The following PRRX2 variants were observed in gnomAD, a reference collection of about 807,000 sequenced individuals.
PRRX2 encodes paired mesoderm homeobox protein 2.
A neutral mutation model predicts 18.0 loss-of-function variants in PRRX2; 11 were observed. The ratio of observed to expected loss-of-function variants is 0.61; its 90% CI spans 0.39 to 1.01. The LOEUF (loss-of-function observed/expected upper bound fraction) is 1.01, where lower values mean the gene tolerates loss of function less well. PRRX2 is among the 50% of genes least tolerant of loss of function. The pLI is 0.01. For missense variants in PRRX2, 387 were observed against 351.0 expected, an observed-to-expected ratio of 1.10 and a Z score of -0.82; for synonymous variants, 177 against 154.8, an observed-to-expected ratio of 1.14 and a Z score of -1.06.
chr9:129,674,664 G>A (rs1396705721), intron 1 of PRRX2, among the ~76,000 whole-genome samples: 1 of 152,134 alleles, frequency 6.6e-6, no homozygotes, highest in African/African-American at 2.4e-5. Flanking sequence ...GACAAGGTGA[G>A]GGCAGGTGAC....
intron 1 of PRRX2, among the ~76,000 whole-genome samples, chr9:129,668,546 G>A (rs1832056606): frequency 1.3e-5 from 2 of 152,110 alleles, no homozygotes; most frequent in African/African-American, 4.8e-5. Context: ...GGGAGGCTGA[G>A]GTGGTTGGAT....
intron 1 of PRRX2, among the ~76,000 whole-genome samples, chr9:129,666,428 T>G (rs991042793): frequency 6.6e-6 from 1 of 152,048 alleles, no homozygotes; most frequent in Non-Finnish European, 1.5e-5. Flanking sequence ...GGGTTACAAC[T>G]GGGGAAACAG....
At chr9:129,685,298 G>A (rs1017195584) in intron 1 of PRRX2, among the ~76,000 whole-genome samples, 2 of 152,236 alleles carry the variant, frequency 1.3e-5, no homozygotes, top group Non-Finnish European at 1.5e-5. Context: ...AAAGCAGGGT[G>A]GACTGTGGTC....
At chr9:129,673,569 C>G (rs563065339) in intron 1 of PRRX2, among the ~76,000 whole-genome samples, 1 of 152,228 alleles carries the variant, frequency 6.6e-6, no homozygotes, top group African/African-American at 2.4e-5. Flanking sequence ...AAACTTTGTC[C>G]TAGGCTGGCA....
intron 1 of PRRX2, among the ~76,000 whole-genome samples, chr9:129,708,422 A>T (rs1325992040): frequency 1.3e-5 from 2 of 152,148 alleles, no homozygotes; most frequent in African/African-American, 4.8e-5. Context: ...CTGCTGGCTG[A>T]TGATTTTGAG....
Position 129,691,295 on chromosome 9 carries a change from C to T in PRRX2, c.259+25169C>T, listed in dbSNP as rs150812324. ...GGGGTTGCGGTGACCCAAGATCGCACCATTGCACCCAGCCTGCATGACAAA... is the reference window on the plus strand; with the variant it reads ...GGGGTTGCGGTGACCCAAGATCGCATCATTGCACCCAGCCTGCATGACAAA... On this transcript the variant is annotated intron_variant, in intron 1 of 3. Coordinates refer to ENST00000372469, the MANE Select transcript of PRRX2 (RefSeq NM_016307.4). Among the ~76,000 whole-genome samples, 627 of 151,890 alleles carry T rather than the reference C, an allele frequency of 4.1e-3. 5 individuals are homozygous for T. Among genetic ancestry groups the T allele is most frequent in the African/African-American group, 0.014 (592 of 41,374 alleles).
chr9:129,672,025 G>T (rs771588112), intron 1 of PRRX2, among the ~76,000 whole-genome samples: 1 of 152,144 alleles, frequency 6.6e-6, no homozygotes, highest in Non-Finnish European at 1.5e-5. Flanking sequence ...GAAGGTTTGC[G>T]GTGGCTTGTC....
chr9:129,685,577 A>G (rs971966872), intron 1 of PRRX2, among the ~76,000 whole-genome samples: 1 of 151,906 alleles, frequency 6.6e-6, no homozygotes, highest in Non-Finnish European at 1.5e-5. Context: ...TGCTGGACTT[A>G]AGCAGTCCTC....
At chr9:129,704,270 C>G (rs1304345805) in intron 1 of PRRX2, among the ~76,000 whole-genome samples, 1 of 148,954 alleles carries the variant, frequency 6.7e-6, no homozygotes, top group Non-Finnish European at 1.5e-5. Flanking sequence ...TCTGGAGCAC[C>G]ACGTTAAGCA....
chr9:129,698,271 G>T (rs75123749), intron 1 of PRRX2, among the ~76,000 whole-genome samples: 3 of 96,826 alleles, frequency 3.1e-5, no homozygotes, highest in South Asian at 4.7e-4. Flanking sequence ...GGGGGGGGGG[G>T]GCGGGGGCAC....
At chr9:129,700,023 G>T (rs1338892234) in intron 1 of PRRX2, among the ~76,000 whole-genome samples, 1 of 152,242 alleles carries the variant, frequency 6.6e-6, no homozygotes, top group African/African-American at 2.4e-5. Context: ...TATACAGCAA[G>T]TGTGGGAGGG....
rs762161505 is a variant in PRRX2, at chr9:129,722,309, A to G, written c.719A>G (p.Lys240Arg). The G allele has an allele frequency of 7.4e-6, 12 of 1,613,942 alleles. No individual in the cohort carries two copies. Among genetic ancestry groups the G allele is most frequent in the Non-Finnish European group, 9.3e-6 (11 of 1,180,016 alleles). ...ATCGCCAGCCTCCGTCTCAAGGCCA[A>G]GGAGTTCAGCCTGCACCACAGCCAG... ...NSIASLRLKA[K>R]EFSLHHSQVP... The change falls in exon 4 of 4, where the codon AAG becomes AGG. Residue 240 changes from lysine to arginine, a missense_variant. Coordinates refer to ENST00000372469, the MANE Select transcript of PRRX2 (RefSeq NM_016307.4).
chr9:129,718,477 C>G (rs559929344), intron 1 of PRRX2: 4 of 152,460 alleles, frequency 2.6e-5, no homozygotes, highest in African/African-American at 7.2e-5. Context: ...CCCCGGCCCC[C>G]AGTACAGCCT....
rs1564147261 is a variant in PRRX2, at chr9:129,684,449, CA to C, written c.259+18324del. On this transcript the variant is annotated intron_variant, in intron 1 of 3. Coordinates refer to ENST00000372469, the MANE Select transcript of PRRX2 (RefSeq NM_016307.4). ...TACAACACACACACACACACACACA[CA>C]CACACACACCCAACAGAAAAGATAC... is the stretch of plus-strand genomic sequence containing the variant. Among the ~76,000 whole-genome samples, 5 of 148,214 alleles carry C rather than the reference CA, an allele frequency of 3.4e-5. No individual in the cohort carries two copies. The East Asian group carries it at 5.9e-4, about 17-fold the overall frequency.
rs970708540 is a variant in PRRX2 at position 129,671,443 on chromosome 9, G to T, written c.259+5317G>T. On this transcript the variant is annotated intron_variant, in intron 1 of 3. Coordinates refer to ENST00000372469, the MANE Select transcript of PRRX2 (RefSeq NM_016307.4). This position sits in a 1 kb window ranked among gnomAD's most constrained non-coding sequence, Gnocchi z 4.0. ...TGGCACAGGGGGCTTAGACCGGCTT[G>T]CCCTTCTCTGTGAGCAGAAACTCAA... Among the ~76,000 whole-genome samples the T allele has an allele frequency of 6.6e-6, 1 of 152,204 alleles. No individual in the cohort carries two copies. The highest frequency in any genetic ancestry group is 2.4e-5 in the African/African-American group (1 of 41,450).
chr9:129,688,714 A>T (rs1832323408), intron 1 of PRRX2, among the ~76,000 whole-genome samples: 1 of 152,162 alleles, frequency 6.6e-6, no homozygotes. Flanking sequence ...AGGACAGGAG[A>T]CCAAGCCTGG....
chr9:129,682,423 C>T (rs924305932), intron 1 of PRRX2, among the ~76,000 whole-genome samples: 2 of 152,110 alleles, frequency 1.3e-5, no homozygotes, highest in Admixed American at 1.3e-4. Context: ...CCCTGGCAAC[C>T]GCAGGCCCCC....
At chr9:129,668,599 G>A (rs944658015) in intron 1 of PRRX2, among the ~76,000 whole-genome samples, 2 of 151,730 alleles carry the variant, frequency 1.3e-5, no homozygotes, top group African/African-American at 2.4e-5. Flanking sequence ...CTAACATGGT[G>A]AAACCCCATC....
At chr9:129,694,474 C>T (rs964679184) in intron 1 of PRRX2, among the ~76,000 whole-genome samples, 1 of 152,320 alleles carries the variant, frequency 6.6e-6, no homozygotes, top group South Asian at 2.1e-4. Flanking sequence ...CATAAGCCAC[C>T]GTGTCCAGCC....
Sources: gnomAD v4.1 joint callset for allele counts (sites outside exome capture counted in the v4.1 genomes callset) on GRCh38, gnomAD v4.1.1 for gene constraint, Gnocchi (gnomAD v3.1) non-coding constraint, MANE v1.5 for transcripts, NCBI Gene and HGNC (gene_info 2026-07-23, HGNC 2026-07-21) for gene names.